Variants in PHIP observed in about 807,000 individuals in gnomAD.
PHIP encodes PHIP subunit of CUL4-Ring ligase complex.
PHIP carries 54 observed loss-of-function variants against 236.8 expected under a neutral mutation model. That is an observed-to-expected ratio of 0.23 (90% confidence interval 0.18 to 0.29). The LOEUF is 0.29. Among genes scored for constraint, PHIP ranks in the 10% least tolerant of loss-of-function variants. The pLI, the probability that PHIP is intolerant of heterozygous loss-of-function variation, is 1.00. For missense variants in PHIP, 1,370 were observed against 2,190.8 expected (o/e 0.63, Z 7.48); for synonymous variants, 756 against 718.9 (o/e 1.05, Z -0.83).
At position 78,946,071 on chromosome 6, in the gene PHIP, T is replaced by C. The variant is rs1425114272; in HGVS notation, c.4560A>G (p.Gln1520=). 2 of 1,612,870 alleles carry C rather than the reference T, an allele frequency of 1.2e-6. No individual in the cohort carries two copies. Among genetic ancestry groups the C allele is most frequent in the Admixed American group, 3.3e-5 (2 of 60,020 alleles). Residue 1520 remains glutamine (Q), a synonymous_variant, in exon 38 of 40, where the codon CAA becomes CAG. Coordinates refer to ENST00000275034, the MANE Select transcript of PHIP (RefSeq NM_017934.7). Reference sequence around the variant, plus strand: ...TCTTTGCAGCTGAAGAAGTAGATGGTTGCTCAGTGACAACTGGATCTACAA... The same window carrying C: ...TCTTTGCAGCTGAAGAAGTAGATGGCTGCTCAGTGACAACTGGATCTACAA... ...RVVVDPVVTE[Q]PSTSSAAKTF...
chr6:79,028,696 T>C (rs1771520978), intron 7 of PHIP, among the ~76,000 whole-genome samples: 1 of 152,216 alleles, frequency 6.6e-6, no homozygotes, highest in East Asian at 1.9e-4. Context: ...GGTTCTCACC[T>C]GCATTCAGTA....
chr6:78,941,296 G>A lies in PHIP; in HGVS notation c.4863C>T (p.Thr1621=). 3 of 1,613,428 alleles carry A rather than the reference G, an allele frequency of 1.9e-6. No individual in the cohort carries two copies. In the East Asian group the frequency reaches 6.7e-5, roughly 36 times the overall value. Reference sequence around the variant, plus strand: ...GTCCTCCATGGCCATTTACTTGAATGGTTCCTGGTACAAGAGCGTTGTTCT... The same window carrying A: ...GTCCTCCATGGCCATTTACTTGAATAGTTCCTGGTACAAGAGCGTTGTTCT... The part of the protein sequence containing the change: ...DCKNNALVPG[T]IQVNGHGGQP... Residue 1621 remains threonine (T), a synonymous_variant, in exon 40 of 40, where the codon ACC becomes ACT. Coordinates refer to ENST00000275034, the MANE Select transcript of PHIP (RefSeq NM_017934.7).
intron 32 of PHIP, chr6:78,957,211 A>G (rs115082699): frequency 9.7e-4 from 147 of 152,144 alleles, no homozygotes; most frequent in African/African-American, 3.3e-3. Context: ...TTTTCATCTA[A>G]ATTATTTCAC....
At chr6:78,983,197 TATA>T (rs1768651943) in intron 22 of PHIP, 80 bp from the exon 23 acceptor site, 1 of 712,216 alleles carries the variant, frequency 1.4e-6, no homozygotes, top group East Asian at 2.7e-5. Context: ...AAAGAAAGAT[TATA>T]ATAAAGAGAA....
chr6:79,069,113 C>T (rs1773765027), intron 4 of PHIP, among the ~76,000 whole-genome samples: 1 of 150,492 alleles, frequency 6.6e-6, no homozygotes, highest in South Asian at 2.1e-4. Context: ...CTTATTTGTA[C>T]ACTACTGTAG....
At chr6:79,025,880 T>A (rs1042940632) in intron 8 of PHIP, 63 bp downstream of exon 8, 86 of 1,223,666 alleles carry the variant, frequency 7.0e-5, no homozygotes, top group Non-Finnish European at 9.6e-5. Context: ...AGTGACTTCA[T>A]TAAATTTACT....
At chr6:79,067,462 A>T (rs1773678155) in intron 4 of PHIP, among the ~76,000 whole-genome samples, 1 of 152,140 alleles carries the variant, frequency 6.6e-6, no homozygotes, top group Non-Finnish European at 1.5e-5. Context: ...TCCTTTTTTT[A>T]AAATATCATG....
Position 78,939,475 on chromosome 6 carries a change from C to T in PHIP, c.*1218G>A, listed in dbSNP as rs995125834. The T allele has an allele frequency of 2.0e-5, 3 of 151,626 alleles. No individual in the cohort carries two copies. The highest frequency in any genetic ancestry group is 4.4e-5 in the Non-Finnish European group (3 of 67,718). The allele number at this position is 151,626 out of a possible 1,614,324, so 9.4% of individuals were successfully genotyped here. The stretch of plus-strand genomic sequence containing the variant: ...AATAATTGAAAATAACCAATTTCCC[C>T]CTTAAAATTAAACTATAAAGTATGA... On this transcript the variant is annotated 3_prime_UTR_variant, in exon 40 of 40. Transcript: ENST00000275034.
At chr6:78,995,708 G>A (rs529419839) in intron 19 of PHIP, among the ~76,000 whole-genome samples, 41 of 152,142 alleles carry the variant, frequency 2.7e-4, no homozygotes, top group Middle Eastern at 6.8e-3. Flanking sequence ...CCCATTCTCC[G>A]GTTGGATTCT....
intron 9 of PHIP, among the ~76,000 whole-genome samples, chr6:79,024,183 C>A (rs1235164227): frequency 2.6e-5 from 4 of 152,166 alleles, no homozygotes; most frequent in Non-Finnish European, 2.9e-5. Flanking sequence ...AACCACTCTA[C>A]AAGAATGTTC....
intron 4 of PHIP, among the ~76,000 whole-genome samples, chr6:79,071,998 C>T (rs1582325016): frequency 6.6e-6 from 1 of 150,460 alleles, no homozygotes; most frequent in East Asian, 1.9e-4. Context: ...TCTGAATCAA[C>T]TAAAAAACTG....
At chr6:78,963,963 C>T (rs955720473) in intron 29 of PHIP, among the ~76,000 whole-genome samples, 3 of 151,108 alleles carry the variant, frequency 2.0e-5, no homozygotes, top group Non-Finnish European at 4.4e-5. Flanking sequence ...AGAACAACAA[C>T]AGTAACCACC....
At chr6:79,057,803 T>C (rs1391955993) in intron 6 of PHIP, among the ~76,000 whole-genome samples, 2 of 152,098 alleles carry the variant, frequency 1.3e-5, no homozygotes, top group African/African-American at 4.8e-5. Context: ...CTGTAACAGC[T>C]TGAAATAATG....
At position 78,945,247 on chromosome 6, in the gene PHIP, AT is replaced by A. The variant is rs925192468; in HGVS notation, c.4828+52del. 2.5e-5 allele frequency: 32 copies of A among 1,290,330 alleles called. No homozygotes were observed. In the Admixed American group the frequency reaches 3.7e-4, roughly 15 times the overall value. The allele number at this position is 1,290,330 out of a possible 1,614,324, so 79.9% of individuals were successfully genotyped here. ...TATAAATGCTGATTCCAACAAAAGC[AT>A]TATTTATAATAAGGATCTACTGTAT... On this transcript the variant is annotated intron_variant, in intron 39 of 39. Coordinates refer to ENST00000275034, the MANE Select transcript of PHIP (RefSeq NM_017934.7).
In PHIP at chr6:78,935,455, T is replaced by C. The variant is rs1773240976; in HGVS notation, c.*5238A>G. On this transcript the variant is annotated 3_prime_UTR_variant, in exon 40 of 40. Transcript: ENST00000275034. Reference sequence around the variant, plus strand: ...AACCTTCTTTCCATCATTCCTTTTTTCCCAGAAATTGCACATTTTTGAGAA... The same window carrying C: ...AACCTTCTTTCCATCATTCCTTTTTCCCCAGAAATTGCACATTTTTGAGAA... 1 of 960,308 alleles carries C rather than the reference T, an allele frequency of 1.0e-6. No individual in the cohort carries two copies. Among genetic ancestry groups the C allele is most frequent in the Non-Finnish European group, 1.2e-6 (1 of 807,202 alleles). 59.5% of individuals were successfully genotyped at this position (960,308 alleles called of 1,614,324 possible).
At chr6:78,987,785 G>A (rs1217258459) in intron 21 of PHIP, among the ~76,000 whole-genome samples, 1 of 152,106 alleles carries the variant, frequency 6.6e-6, no homozygotes, top group Non-Finnish European at 1.5e-5. Context: ...CTGTAAACTG[G>A]TACAGAGATT....
chr6:78,935,663 G>T lies in PHIP; in HGVS notation c.*5030C>A. 1 of 983,710 alleles carries T rather than the reference G, an allele frequency of 1.0e-6. No homozygotes were observed. The highest frequency in any genetic ancestry group is 4.7e-5 in the South Asian group (1 of 21,242). The allele number at this position is 983,710 out of a possible 1,614,324, so 60.9% of individuals were successfully genotyped here. Reference sequence around the variant, plus strand: ...TTGTTTTGGAATTAAATTACATTTCGGCACCCAAATATCTTTTAACTGACA... The same window carrying T: ...TTGTTTTGGAATTAAATTACATTTCTGCACCCAAATATCTTTTAACTGACA... On this transcript the variant is annotated 3_prime_UTR_variant, in exon 40 of 40. Transcript: ENST00000275034.
At chr6:79,065,294 C>A (rs1462319585) in intron 4 of PHIP, among the ~76,000 whole-genome samples, 1 of 152,174 alleles carries the variant, frequency 6.6e-6, no homozygotes, top group East Asian at 1.9e-4. Context: ...CTGATGCTTT[C>A]CTCACTCTTT....
intron 9 of PHIP, among the ~76,000 whole-genome samples, chr6:79,023,525 T>G (rs1771237354): frequency 1.3e-5 from 2 of 152,012 alleles, no homozygotes; most frequent in South Asian, 4.1e-4. Flanking sequence ...AGTCCAAAAA[T>G]AAAAAAATTA....
Sources: gnomAD v4.1 joint callset for allele counts (sites outside exome capture counted in the v4.1 genomes callset) on GRCh38, gnomAD v4.1.1 for gene constraint, MANE v1.5 for transcripts, NCBI Gene and HGNC (gene_info 2026-07-23, HGNC 2026-07-21) for gene names.